Variants in RANBP2 observed in about 807,000 individuals in gnomAD.
RANBP2 encodes E3 SUMO-protein ligase RanBP2.
In RANBP2, 57 loss-of-function variants were observed where a neutral mutation model predicts 303.6. The observed-to-expected ratio is 0.19, with a 90% CI of 0.15 to 0.23. The LOEUF is 0.23. RANBP2 is among the 10% of genes least tolerant of loss of function. The pLI, the probability that RANBP2 is intolerant of heterozygous loss-of-function variation, is 1.00. For synonymous variants in RANBP2, 1,167 were observed against 1,301.5 expected (o/e 0.90, Z 2.23); for missense variants, 3,138 against 3,780.8 (o/e 0.83, Z 4.46).
chr2:109,719,027 A>AAAAAAAC, the RANBP2 span, among the ~76,000 whole-genome samples: 2 of 118,214 alleles, frequency 1.7e-5, no homozygotes, highest in Non-Finnish European at 1.7e-5. Context: ...AAAAAAAAAA[A>AAAAAAAC]AGAAACAAAA....
chr2:108,997,306 C>T, the RANBP2 span, among the ~76,000 whole-genome samples: 20 of 151,720 alleles, frequency 1.3e-4, no homozygotes, highest in Admixed American at 1.0e-3. Flanking sequence ...CCAGATGTGG[C>T]GGCGTGCGCC....
At chr2:109,233,660 C>G in the RANBP2 span, among the ~76,000 whole-genome samples, 7 of 152,232 alleles carry the variant, frequency 4.6e-5, no homozygotes, top group Non-Finnish European at 1.5e-5. Context: ...GCCTCCTGTT[C>G]GTATCACCAC....
At chr2:108,929,345 C>T in the RANBP2 span, 2 of 1,614,160 alleles carry the variant, frequency 1.2e-6, no homozygotes, top group Non-Finnish European at 1.7e-6. Flanking sequence ...GGGGACGCAG[C>T]CGTAGTCCTC....
At chr2:108,994,529 A>AT in the RANBP2 span, among the ~76,000 whole-genome samples, 1 of 152,226 alleles carries the variant, frequency 6.6e-6, no homozygotes, top group Non-Finnish European at 1.5e-5. Flanking sequence ...AAACCACAAG[A>AT]GTATTATAAA....
the RANBP2 span, chr2:109,419,770 G>A: frequency 1.2e-6 from 1 of 809,682 alleles, no homozygotes; most frequent in South Asian, 1.8e-5. Context: ...ATAGTTATGT[G>A]CGTCTAATAA....
the RANBP2 span, among the ~76,000 whole-genome samples, chr2:109,239,884 T>G: frequency 6.6e-6 from 1 of 152,168 alleles, no homozygotes; most frequent in African/African-American, 2.4e-5. Context: ...GAGAAATGTG[T>G]GCTGAAGGTG....
the RANBP2 span, among the ~76,000 whole-genome samples, chr2:108,964,207 T>C: frequency 6.6e-6 from 1 of 152,174 alleles, no homozygotes; most frequent in Non-Finnish European, 1.5e-5. Context: ...TCCAGGCTTG[T>C]ATAGATGGGG....
chr2:108,806,571 C>G, the RANBP2 span, among the ~76,000 whole-genome samples: 2 of 152,250 alleles, frequency 1.3e-5, no homozygotes, highest in South Asian at 4.1e-4. Context: ...GCCATGTGGT[C>G]TCTCTTTCAG....
At chr2:109,647,901 G>T in the RANBP2 span, among the ~76,000 whole-genome samples, 3 of 152,234 alleles carry the variant, frequency 2.0e-5, no homozygotes, top group African/African-American at 7.2e-5. Context: ...TTCCACAAAT[G>T]CCCGTTAGCT....
At chr2:109,084,286 C>T in the RANBP2 span, among the ~76,000 whole-genome samples, 6 of 152,154 alleles carry the variant, frequency 3.9e-5, no homozygotes, top group Non-Finnish European at 7.4e-5. Flanking sequence ...ATGTTGAGAC[C>T]GAAAAACATC....
At chr2:109,256,233 A>G in the RANBP2 span, among the ~76,000 whole-genome samples, 1 of 152,142 alleles carries the variant, frequency 6.6e-6, no homozygotes, top group Non-Finnish European at 1.5e-5. Context: ...ACAGTTGGAG[A>G]GCCTGCCATG....
At chr2:108,999,657 A>G in the RANBP2 span, among the ~76,000 whole-genome samples, 1 of 152,214 alleles carries the variant, frequency 6.6e-6, no homozygotes, top group Non-Finnish European at 1.5e-5. Context: ...TGTGTTATGT[A>G]CACTTTTCGG....
At chr2:109,499,708 G>T in the RANBP2 span, among the ~76,000 whole-genome samples, 1 of 152,204 alleles carries the variant, frequency 6.6e-6, no homozygotes. Context: ...TTTCAGCCTT[G>T]TTCCTCCTCC....
chr2:109,267,374 C>A, the RANBP2 span, among the ~76,000 whole-genome samples: 2 of 152,146 alleles, frequency 1.3e-5, no homozygotes, highest in African/African-American at 2.4e-5. Flanking sequence ...GATCACTGTG[C>A]GCTTTGTACA....
At chr2:109,737,591 C>G in the RANBP2 span, 11 of 373,904 alleles carry the variant, frequency 2.9e-5, no homozygotes, top group Non-Finnish European at 4.8e-5. Context: ...GATGTATATC[C>G]AGTGATGGGA....
At chr2:109,574,720 A>AGATAG in the RANBP2 span, 5 of 1,604,930 alleles carry the variant, frequency 3.1e-6, no homozygotes, top group Non-Finnish European at 4.3e-6. Context: ...TTCTTCTTGG[A>AGATAG]GATAGGCCTC....
chr2:108,896,776 AACATCCTAAGGCATACGGTG>A, the RANBP2 span: 2 of 880,930 alleles, frequency 2.3e-6, no homozygotes, highest in South Asian at 3.5e-5. Context: ...TGGCTCCTTG[AACATCCTAAGGCATACGGTG>A]ACATATCACA....
chr2:108,864,295 A>G, the RANBP2 span, among the ~76,000 whole-genome samples: 1 of 152,248 alleles, frequency 6.6e-6, no homozygotes, highest in African/African-American at 2.4e-5. Flanking sequence ...TATTTATTAA[A>G]AAAAGATTAA....
the RANBP2 span, among the ~76,000 whole-genome samples, chr2:109,588,002 G>A: frequency 6.6e-6 from 1 of 152,032 alleles, no homozygotes; most frequent in Non-Finnish European, 1.5e-5. Flanking sequence ...TGAGGTGGGA[G>A]GATCACTTAA....
Sources: gnomAD v4.1 joint callset for allele counts (sites outside exome capture counted in the v4.1 genomes callset) on GRCh38, gnomAD v4.1.1 for gene constraint, MANE v1.5 for transcripts, NCBI Gene and HGNC (gene_info 2026-07-23, HGNC 2026-07-21) for gene names.